The following SRGAP3 variants were observed in gnomAD, a reference collection of about 807,000 sequenced individuals.
The protein encoded by SRGAP3 is SLIT-ROBO Rho GTPase-activating protein 3.
In SRGAP3, 39 loss-of-function variants were observed where a neutral mutation model predicts 121.1. That is an observed-to-expected ratio of 0.32 (90% CI 0.25 to 0.42). SRGAP3 has a LOEUF of 0.42. Ranked by LOEUF, SRGAP3 falls within the 10% of genes least tolerant of loss-of-function variation. SRGAP3 has a pLI of 1.00. For synonymous variants in SRGAP3, 601 were observed against 570.0 expected (o/e 1.05, Z -0.77); for missense variants, 1,213 against 1,470.6 (o/e 0.82, Z 2.86).
chr3:9,154,624 C>A (rs547503096), intron 1 of SRGAP3, among the ~76,000 whole-genome samples: 1 of 152,272 alleles, frequency 6.6e-6, no homozygotes, highest in Admixed American at 6.5e-5. Context: ...ACCAGAGAGC[C>A]CAAGGAACAT....
At chr3:9,229,929 T>C (rs1232949412) in intron 1 of SRGAP3, among the ~76,000 whole-genome samples, 1 of 152,190 alleles carries the variant, frequency 6.6e-6, no homozygotes, top group East Asian at 1.9e-4. Flanking sequence ...ATCTGCTATG[T>C]GTCTATTCTG....
chr3:9,071,661 TGG>T (rs1946727030), intron 4 of SRGAP3, among the ~76,000 whole-genome samples: 1 of 150,926 alleles, frequency 6.6e-6, no homozygotes, highest in Admixed American at 6.6e-5. Flanking sequence ...GATGGATGGA[TGG>T]ATGGATGGAT....
chr3:9,051,017 CTTTTTTTTTTTTTT>C (rs71049766), intron 9 of SRGAP3, among the ~76,000 whole-genome samples: 1,340 of 81,902 alleles, frequency 0.016, 46 homozygotes, highest in Admixed American at 0.023. Flanking sequence ...AGCCTCATTG[CTTTTTTTTTTTTTT>C]TTTTTTTTTT....
Position 9,064,449 on chromosome 3 carries a change from C to G in SRGAP3, c.619G>C (p.Asp207His). 3 of 1,614,244 alleles carry G rather than the reference C, an allele frequency of 1.9e-6. No individual in the cohort carries two copies. The highest frequency in any genetic ancestry group is 2.5e-6 in the Non-Finnish European group (3 of 1,180,048). Reference protein sequence around the residue: ...DLSMNLLRHEDRPQRRSSVKK... With the variant: ...DLSMNLLRHEHRPQRRSSVKK... ...ACAGAGCTGCGGCGCTGGGGCCGGT[C>G]CTCGTGCCGGAGCAGGTTCATGCTG... Residue 207 changes from aspartate (D) to histidine (H), a missense_variant, in exon 5 of 22, where the codon GAC becomes CAC. Physicochemically the swap from Asp to His is moderately conservative, Grantham distance 81. Around this residue, in one of 2 missense-constraint regions of SRGAP3, gnomAD observed 793 missense variants for 1,032.9 expected, o/e 0.77. Transcript: ENST00000383836.
intron 14 of SRGAP3, 122 bp from the exon 15 acceptor site, chr3:9,015,853 C>T (rs1943611618): frequency 4.2e-6 from 5 of 1,197,306 alleles, no homozygotes; most frequent in Non-Finnish European, 6.1e-6. Context: ...GGAAAAGTCT[C>T]CCCCACATAT....
At chr3:9,052,967 GA>G in intron 9 of SRGAP3, 59 bp downstream of exon 9, 1 of 1,606,028 alleles carries the variant, frequency 6.2e-7, no homozygotes, top group Non-Finnish European at 8.5e-7. Flanking sequence ...GGTTGCTCCT[GA>G]AAAGTCACTG....
chr3:9,194,575 G>C (rs904388738), intron 1 of SRGAP3: 3 of 152,208 alleles, frequency 2.0e-5, no homozygotes, highest in African/African-American at 7.2e-5. Context: ...CAGCTGAGAG[G>C]ATAGTCTGAG....
At chr3:9,084,220 A>G (rs1280646464) in intron 3 of SRGAP3, among the ~76,000 whole-genome samples, 3 of 151,926 alleles carry the variant, frequency 2.0e-5, no homozygotes, top group Non-Finnish European at 4.4e-5. Flanking sequence ...TGCCCTTCCT[A>G]TTTCCTAAGA....
intron 3 of SRGAP3, among the ~76,000 whole-genome samples, chr3:9,316,197 C>T (rs558740141): frequency 6.6e-5 from 10 of 152,092 alleles, no homozygotes; most frequent in African/African-American, 2.4e-4. Context: ...AACAGGCACA[C>T]ACCACCACAC....
At chr3:8,995,280 T>C (rs936495537) in intron 18 of SRGAP3, among the ~76,000 whole-genome samples, 5 of 152,042 alleles carry the variant, frequency 3.3e-5, no homozygotes, top group Non-Finnish European at 7.4e-5. Context: ...GAGACCAGCC[T>C]GGGCAATATA....
chr3:9,051,173 T>G (rs886212554), intron 9 of SRGAP3, among the ~76,000 whole-genome samples: 1 of 151,990 alleles, frequency 6.6e-6, no homozygotes, highest in Non-Finnish European at 1.5e-5. Flanking sequence ...ACCATAGATA[T>G]GCACTTGTAT....
intron 3 of SRGAP3, among the ~76,000 whole-genome samples, chr3:9,287,113 T>A (rs1320689780): frequency 1.4e-5 from 2 of 147,090 alleles, no homozygotes; most frequent in Non-Finnish European, 1.5e-5. Context: ...TACCTCAGCC[T>A]CCTGATTAGT....
intron 3 of SRGAP3, among the ~76,000 whole-genome samples, chr3:9,270,917 G>A (rs1954463316): frequency 6.6e-6 from 1 of 152,150 alleles, no homozygotes; most frequent in Non-Finnish European, 1.5e-5. Flanking sequence ...AAAAGCAGAA[G>A]ACTGGTACAG....
At chr3:9,135,813 G>A (rs914987945) in intron 1 of SRGAP3, among the ~76,000 whole-genome samples, 2 of 152,220 alleles carry the variant, frequency 1.3e-5, no homozygotes, top group Non-Finnish European at 2.9e-5. Context: ...AGGACAGTCA[G>A]CCTAGGCTCC....
intron 3 of SRGAP3, among the ~76,000 whole-genome samples, chr3:9,325,821 A>G (rs907201623): frequency 1.3e-5 from 2 of 151,970 alleles, no homozygotes; most frequent in African/African-American, 2.4e-5. Context: ...AAATAAAACT[A>G]TACCCTATAA....
chr3:9,003,479 AAAACAAAC>A (rs149943964), intron 18 of SRGAP3, among the ~76,000 whole-genome samples: 5 of 149,910 alleles, frequency 3.3e-5, no homozygotes, highest in Admixed American at 6.6e-5. Flanking sequence ...ATTCCATCTC[AAAACAAAC>A]AAACAAACAA....
intron 3 of SRGAP3, among the ~76,000 whole-genome samples, chr3:9,102,044 G>GGC (rs758271402): frequency 9.2e-5 from 14 of 152,248 alleles, no homozygotes; most frequent in Non-Finnish European, 1.9e-4. Flanking sequence ...CCAGAAGATA[G>GGC]GCACAGGACA....
At chr3:9,171,383 C>T (rs1048275446) in intron 1 of SRGAP3, among the ~76,000 whole-genome samples, 11 of 152,324 alleles carry the variant, frequency 7.2e-5, no homozygotes, top group South Asian at 6.2e-4. Context: ...AACATCTGTG[C>T]GCCTCAGTTC....
chr3:8,996,985 G>A (rs1484821059), intron 18 of SRGAP3, among the ~76,000 whole-genome samples: 2 of 152,124 alleles, frequency 1.3e-5, no homozygotes, highest in Non-Finnish European at 2.9e-5. Context: ...TGAAAGAGTG[G>A]GGCAGCAGGG....
Sources: allele counts gnomAD v4.1 joint callset (sites outside exome capture counted in the v4.1 genomes callset), GRCh38; gene constraint gnomAD v4.1.1; regional missense constraint gnomAD v4.1.1; transcripts MANE v1.5; gene names NCBI Gene and HGNC (gene_info 2026-07-23, HGNC 2026-07-21).